The following CORO2B variants were observed in gnomAD, a reference collection of about 807,000 sequenced individuals.
CORO2B encodes the protein coronin 2B.
A neutral mutation model predicts 58.8 loss-of-function variants in CORO2B; 26 were observed. That is an observed-to-expected ratio of 0.44 (90% CI 0.32 to 0.61). The LOEUF is 0.61. CORO2B is among the 20% of genes least tolerant of loss of function. The pLI is 0.04. For missense variants in CORO2B, 460 were observed against 645.1 expected, an observed-to-expected ratio of 0.71 and a Z score of 3.11; for synonymous variants, 242 against 253.8, an observed-to-expected ratio of 0.95 and a Z score of 0.44.
In CORO2B at chr15:68,727,397, G is replaced by T. The variant is rs1893330227; in HGVS notation, c.*1423G>T. 1 of 152,214 alleles carries T rather than the reference G, an allele frequency of 6.6e-6. No homozygotes were observed. Among genetic ancestry groups the T allele is most frequent in the Non-Finnish European group, 1.5e-5 (1 of 68,024 alleles). 9.4% of individuals were successfully genotyped at this position (152,214 alleles called of 1,614,324 possible). On this transcript the variant is annotated 3_prime_UTR_variant, in exon 12 of 12. Transcript: ENST00000261861. Reference sequence around the variant, plus strand: ...TTTCATTTCCCACTACGCACAAAGAGTTTATAAACACTGTTCTCAGAAGAG... The same window carrying T: ...TTTCATTTCCCACTACGCACAAAGATTTTATAAACACTGTTCTCAGAAGAG...
At chr15:68,529,699 A>T in the CORO2B span, among the ~76,000 whole-genome samples, 16 of 152,262 alleles carry the variant, frequency 1.1e-4, no homozygotes, top group Admixed American at 9.8e-4. Context: ...GAGTTTCTCA[A>T]TTGTATGTAA....
chr15:68,599,392 A>G (rs1424191738), intron 1 of CORO2B, among the ~76,000 whole-genome samples: 2 of 152,166 alleles, frequency 1.3e-5, no homozygotes, highest in African/African-American at 2.4e-5. Context: ...GCCTGGCCCT[A>G]TAGATGTTCA....
intron 3 of CORO2B, among the ~76,000 whole-genome samples, chr15:68,696,701 A>G (rs1027998591): frequency 6.6e-6 from 1 of 152,126 alleles, no homozygotes; most frequent in Admixed American, 6.6e-5. Flanking sequence ...GGGTCCCATA[A>G]TGTGTTCCAC....
At chr15:68,705,725 G>C (rs1180760593) in intron 3 of CORO2B, among the ~76,000 whole-genome samples, 1 of 152,080 alleles carries the variant, frequency 6.6e-6, no homozygotes, top group Non-Finnish European at 1.5e-5. Context: ...CCCATCCCTG[G>C]GCTTAGCCCC....
intron 11 of CORO2B, among the ~76,000 whole-genome samples, chr15:68,724,551 A>G (rs1430318210): frequency 6.6e-6 from 1 of 152,214 alleles, no homozygotes; most frequent in African/African-American, 2.4e-5. Flanking sequence ...CAGCCAAGAT[A>G]TAGAATATTC....
intron 1 of CORO2B, among the ~76,000 whole-genome samples, chr15:68,624,180 T>C (rs1312647695): frequency 6.6e-6 from 1 of 152,142 alleles, no homozygotes; most frequent in African/African-American, 2.4e-5. Context: ...GGGTGCTCTG[T>C]AAACTAGAGG....
intron 2 of CORO2B, among the ~76,000 whole-genome samples, chr15:68,661,745 G>A (rs1420965618): frequency 1.3e-5 from 2 of 152,166 alleles, no homozygotes; most frequent in South Asian, 2.1e-4. Context: ...GGTAGCTCAC[G>A]CCTGTAATCC....
the CORO2B span, among the ~76,000 whole-genome samples, chr15:68,529,840 T>C: frequency 6.6e-6 from 1 of 152,374 alleles, no homozygotes; most frequent in South Asian, 2.1e-4. Context: ...AATTTTGTTA[T>C]GTAGAATTTT....
the CORO2B span, among the ~76,000 whole-genome samples, chr15:68,518,771 G>A: frequency 6.6e-6 from 1 of 152,028 alleles, no homozygotes; most frequent in South Asian, 2.1e-4. Context: ...GGGGGTGGGG[G>A]GCTGCTGAAG....
intron 2 of CORO2B, among the ~76,000 whole-genome samples, chr15:68,673,929 C>T (rs1459139876): frequency 6.6e-6 from 1 of 151,528 alleles, no homozygotes; most frequent in Non-Finnish European, 1.5e-5. Flanking sequence ...CTCCCAAGAG[C>T]TGACAAATAA....
chr15:68,618,036 C>T (rs1043785581), intron 1 of CORO2B, among the ~76,000 whole-genome samples: 2 of 152,184 alleles, frequency 1.3e-5, no homozygotes, highest in African/African-American at 4.8e-5. Context: ...AGTACCTGCC[C>T]TCCAGGAACC....
intron 5 of CORO2B, among the ~76,000 whole-genome samples, chr15:68,712,538 C>T (rs890470453): frequency 1.3e-5 from 2 of 152,172 alleles, no homozygotes; most frequent in African/African-American, 4.8e-5. Context: ...AATATTCTGA[C>T]ATCGGAAACA....
At position 68,726,293 on chromosome 15, in the gene CORO2B, A is replaced by C. The variant is rs1463280217; in HGVS notation, c.*319A>C. ...GCTCCATCTCAGTGGACCAGGAAGC[A>C]AGAGGGGAAGCGGGATCCCAGCTAG... On this transcript the variant is annotated 3_prime_UTR_variant, in exon 12 of 12. Coordinates refer to ENST00000261861, the MANE Select transcript of CORO2B (RefSeq NM_006091.5). 1 of 347,018 alleles carries C rather than the reference A, an allele frequency of 2.9e-6. No homozygotes were observed. Among genetic ancestry groups the C allele is most frequent in the Non-Finnish European group, 5.3e-6 (1 of 187,786 alleles). The allele number at this position is 347,018 out of a possible 1,614,324, so 21.5% of individuals were successfully genotyped here. A position where few individuals can be genotyped will look rare whatever the true frequency, so the allele number is the denominator to read the frequency against.
the CORO2B span, among the ~76,000 whole-genome samples, chr15:68,564,366 T>C: frequency 6.6e-6 from 1 of 151,450 alleles, no homozygotes; most frequent in Non-Finnish European, 1.5e-5. Flanking sequence ...TGGGGTAGAG[T>C]GATCTTGGCT....
chr15:68,598,054 T>G (rs1203966092), intron 1 of CORO2B, among the ~76,000 whole-genome samples: 1 of 152,244 alleles, frequency 6.6e-6, no homozygotes, highest in Admixed American at 6.5e-5. Flanking sequence ...CGCTGATTTC[T>G]CCACCTTTTC....
chr15:68,694,048 C>T (rs1892450598), intron 2 of CORO2B, among the ~76,000 whole-genome samples: 1 of 152,122 alleles, frequency 6.6e-6, no homozygotes. Flanking sequence ...GTTGGCCAGG[C>T]TGGTCTCAAA....
intron 8 of CORO2B, among the ~76,000 whole-genome samples, chr15:68,715,962 C>A (rs1209514761): frequency 1.3e-5 from 2 of 152,200 alleles, no homozygotes; most frequent in African/African-American, 4.8e-5. Flanking sequence ...TTTTCAGGGA[C>A]CTCCCGTTCC....
chr15:68,719,370 T>G (rs367669962), intron 10 of CORO2B, 43 bp from the exon 11 acceptor site: 2 of 1,610,478 alleles, frequency 1.2e-6, no homozygotes, highest in African/African-American at 2.7e-5. Context: ...CACCTGACAG[T>G]CCATGGGATC....
the CORO2B span, among the ~76,000 whole-genome samples, chr15:68,569,358 C>T: frequency 3.9e-5 from 6 of 152,348 alleles, no homozygotes; most frequent in African/African-American, 1.4e-4. Flanking sequence ...TCTGCCTTTT[C>T]CACAATGTCA....
Sources: allele counts gnomAD v4.1 joint callset (sites outside exome capture counted in the v4.1 genomes callset), GRCh38; gene constraint gnomAD v4.1.1; transcripts MANE v1.5; gene names NCBI Gene and HGNC (gene_info 2026-07-23, HGNC 2026-07-21).